HERC2: variants seen among roughly 807,000 people sequenced by gnomAD.
The protein encoded by HERC2 is E3 ubiquitin-protein ligase HERC2.
A neutral mutation model predicts 537.7 loss-of-function variants in HERC2; 102 were observed. The observed-to-expected ratio is 0.19, with a 90% CI of 0.16 to 0.22. HERC2 has a LOEUF of 0.22. HERC2 is among the 10% of genes least tolerant of loss of function. The pLI, the probability that HERC2 is intolerant of heterozygous loss-of-function variation, is 1.00. For synonymous variants in HERC2, 2,224 were observed against 2,466.2 expected, an observed-to-expected ratio of 0.90 and a Z score of 2.91; for missense variants, 4,236 against 6,198.2, an observed-to-expected ratio of 0.68 and a Z score of 10.63.
chr15:28,307,022 T>A (rs1183575633), intron 2 of HERC2, among the ~76,000 whole-genome samples: 5 of 152,162 alleles, frequency 3.3e-5, no homozygotes, highest in Admixed American at 1.3e-4. Context: ...TTTAGTAGAG[T>A]TGGAGTTTCA....
intron 55 of HERC2, among the ~76,000 whole-genome samples, chr15:28,189,243 G>T (rs1312230978): frequency 6.6e-6 from 1 of 152,128 alleles, no homozygotes; most frequent in Non-Finnish European, 1.5e-5. Context: ...GCAATGCTTC[G>T]TATTTCTCAT....
rs369055218 is a variant in HERC2, at chr15:28,265,973, G to T, written c.1600C>A (p.Pro534Thr). The change falls in exon 13 of 93, where the codon CCT (proline) becomes ACT (threonine). Residue 534 changes from proline to threonine, a missense_variant and splice_region_variant. Physicochemically the swap from Pro to Thr is conservative, Grantham distance 38. Around this residue, in one of 27 missense-constraint regions of HERC2, gnomAD observed 754 missense variants for 1,085.0 expected, o/e 0.69. Transcript: ENST00000261609. The surrounding 1 kb of genome is among the most constrained non-coding windows in gnomAD (Gnocchi z 4.0). ...GGRLGHGDTV[P>T]LEEPKVISAF... ...GAGATCACCTTAGGCTCCTCCAAAG[G>T]CCTTGGGGAGAAAGGGAACAAACAT... The T allele has an allele frequency of 6.2e-6, 10 of 1,613,726 alleles. No homozygotes were observed. The highest frequency in any genetic ancestry group is 8.5e-6 in the Non-Finnish European group (10 of 1,179,780).
intron 70 of HERC2, among the ~76,000 whole-genome samples, chr15:28,147,259 C>T (rs539752250): frequency 2.3e-3 from 346 of 152,182 alleles, no homozygotes; most frequent in Admixed American, 7.5e-3. Flanking sequence ...ACAAGATTTT[C>T]GTCTAGGAAA....
chr15:28,142,307 G>A lies in HERC2; in HGVS notation c.11631C>T (p.Tyr3877=). Residue 3877 remains tyrosine (Y), a synonymous_variant, in exon 76 of 93, where the codon TAC becomes TAT. Coordinates refer to ENST00000261609, the MANE Select transcript of HERC2 (RefSeq NM_004667.6). Reference sequence around the variant, plus strand: ...CCACAGCAACACGGGAGGCCATGCAGTACCTCCGGAACCAGGCCCACTTGT... The same window carrying A: ...CCACAGCAACACGGGAGGCCATGCAATACCTCCGGAACCAGGCCCACTTGT... ...ETHKWAWFRR[Y]CMASRVAVAL... The A allele has an allele frequency of 6.2e-7, 1 of 1,614,244 alleles. No homozygotes were observed. Among genetic ancestry groups the A allele is most frequent in the East Asian group, 2.2e-5 (1 of 44,894 alleles).
intron 69 of HERC2, among the ~76,000 whole-genome samples, chr15:28,161,051 C>T (rs1223480217): frequency 6.6e-6 from 1 of 152,154 alleles, no homozygotes; most frequent in Non-Finnish European, 1.5e-5. Context: ...ATACCTACAG[C>T]TTTTTAGTTC....
At chr15:28,318,558 G>T (rs1451407789) in intron 2 of HERC2, among the ~76,000 whole-genome samples, 1 of 152,000 alleles carries the variant, frequency 6.6e-6, no homozygotes, top group African/African-American at 2.4e-5. Context: ...AACCCAGGAG[G>T]CTTGCAGTGA....
At chr15:28,260,181 GAA>G (rs796482245) in intron 16 of HERC2, among the ~76,000 whole-genome samples, 1 of 119,866 alleles carries the variant, frequency 8.3e-6, no homozygotes, top group African/African-American at 3.1e-5. Flanking sequence ...CTCCAAAAAA[GAA>G]AAAAAAAAAA....
Position 28,124,113 on chromosome 15 carries a change from C to A in HERC2, c.13112G>T (p.Gly4371Val). The part of the protein sequence containing the change: ...CPCIPMFDLE[G>V]SLDETGLGPS... The stretch of plus-strand genomic sequence containing the variant: ...CCCGAGTCCAGTTTCGTCGAGCGAG[C>A]CTTCCAGGTCGAACATGGGGATGCA... The change falls in exon 85 of 93, where the codon GGC becomes GTC. Residue 4371 changes from glycine to valine, a missense_variant. Physicochemically the swap from Gly to Val is moderately radical, Grantham distance 109 (BLOSUM62 -3). Coordinates refer to ENST00000261609, the MANE Select transcript of HERC2 (RefSeq NM_004667.6). The A allele has an allele frequency of 4.4e-6, 7 of 1,607,002 alleles. No homozygotes were observed. The highest frequency in any genetic ancestry group is 5.9e-6 in the Non-Finnish European group (7 of 1,176,628).
At chr15:28,301,483 T>C (rs1347916263) in intron 2 of HERC2, among the ~76,000 whole-genome samples, 2 of 151,200 alleles carry the variant, frequency 1.3e-5, no homozygotes, top group Non-Finnish European at 2.9e-5. Flanking sequence ...ATAATTATAA[T>C]AACTGTGAGC....
In HERC2 at chr15:28,308,066, T is replaced by C. The variant is rs533645305; in HGVS notation, c.73-8550A>G. On this transcript the variant is annotated intron_variant, in intron 2 of 92. Coordinates refer to ENST00000261609, the MANE Select transcript of HERC2 (RefSeq NM_004667.6). ...GTGGTTCAACATGAATTTTAGGATT[T>C]TTTTTTTTTCTGTTTCTGTGAAGAA... 4.0e-3 allele frequency among the ~76,000 whole-genome samples: 604 copies of C among 152,216 alleles called. 3 individuals carry two copies. The highest frequency in any genetic ancestry group is 0.017 in the Middle Eastern group (5 of 294).
rs1291859738 is a variant in HERC2, at chr15:28,122,090, G to A, written c.13189-661C>T. On this transcript the variant is annotated intron_variant, in intron 85 of 92. Coordinates refer to ENST00000261609, the MANE Select transcript of HERC2 (RefSeq NM_004667.6). This position sits in a 1 kb window ranked among gnomAD's most constrained non-coding sequence, Gnocchi z 4.1. ...CGTGCAGCCAGCCAGACCTTGGATC[G>A]GGACAGAAAAGACAGACCGGGGAGG... Among the ~76,000 whole-genome samples, 1 of 132,438 alleles carries A rather than the reference G, an allele frequency of 7.6e-6. No individual in the cohort carries two copies. The highest frequency in any genetic ancestry group is 1.6e-5 in the Non-Finnish European group (1 of 62,780). 86.9% of individuals were successfully genotyped at this position (132,438 alleles called of 152,430 possible). A position where few individuals can be genotyped will look rare whatever the true frequency, so the allele number is the denominator to read the frequency against.
intron 2 of HERC2, among the ~76,000 whole-genome samples, chr15:28,300,126 A>G (rs2076581846): frequency 6.6e-6 from 1 of 152,050 alleles, no homozygotes; most frequent in South Asian, 2.1e-4. Flanking sequence ...TGTGCTCTGA[A>G]AAGATAAACC....
Position 28,113,830 on chromosome 15 carries a change from G to C in HERC2, c.13914-152C>G, listed in dbSNP as rs1887924301. ...CCAGATGGCATGAGCATGCTTAGCA[G>C]CTCGGCACTGCAGAGCTTCTCCTGA... On this transcript the variant is annotated intron_variant, in intron 90 of 92. Coordinates refer to ENST00000261609, the MANE Select transcript of HERC2 (RefSeq NM_004667.6). This position sits in a 1 kb window ranked among gnomAD's most constrained non-coding sequence, Gnocchi z 7.0. The C allele has an allele frequency of 1.5e-6, 1 of 657,676 alleles. No homozygotes were observed. The highest frequency in any genetic ancestry group is 2.2e-5 in the Admixed American group (1 of 45,764). The allele number at this position is 657,676 out of a possible 1,614,324, so 40.7% of individuals were successfully genotyped here. A position where few individuals can be genotyped will look rare whatever the true frequency, so the allele number is the denominator to read the frequency against.
chr15:28,277,975 GC>G (rs1247488009), intron 5 of HERC2, among the ~76,000 whole-genome samples: 1 of 151,932 alleles, frequency 6.6e-6, no homozygotes, highest in African/African-American at 2.4e-5. Flanking sequence ...AATCATCTCA[GC>G]CAGGCACAGT....
In HERC2 at chr15:28,144,196, C is replaced by T; in HGVS notation, c.11180G>A (p.Cys3727Tyr). 1 of 1,614,172 alleles carries T rather than the reference C, an allele frequency of 6.2e-7. No homozygotes were observed. The highest frequency in any genetic ancestry group is 1.3e-5 in the African/African-American group (1 of 75,048). ...ELLSDRCVLS[C>Y]PSMDLVTCLL... is the part of the protein sequence containing the mutation. ...ACACGTCACCAAGTCCATGGATGGA[C>T]AGGAGAGGACGCAGCGGTCAGAGAG... Residue 3727 changes from cysteine to tyrosine, a missense_variant, in exon 73 of 93, where the codon TGT becomes TAT. By Grantham distance (194) the Cys-to-Tyr change is radical (BLOSUM62 -2). Coordinates refer to ENST00000261609, the MANE Select transcript of HERC2 (RefSeq NM_004667.6).
chr15:28,124,208 C>T lies in HERC2; in HGVS notation c.13017G>A (p.Gln4339=). ...TCCTCAGCGCAATGATGGGGATCTCCTGCAGGTGATTGTACTCCATGGGGA... is the reference window on the plus strand; with the variant it reads ...TCCTCAGCGCAATGATGGGGATCTCTTGCAGGTGATTGTACTCCATGGGGA... The part of the protein sequence containing the change: ...AQVPMEYNHL[Q]EIPIIALRNR... The change falls in exon 85 of 93, where the codon CAG becomes CAA. Residue 4339 remains glutamine (Q), a synonymous_variant. Transcript: ENST00000261609. 1 of 1,528,194 alleles carries T rather than the reference C, an allele frequency of 6.5e-7. No individual in the cohort carries two copies. Among genetic ancestry groups the T allele is most frequent in the East Asian group, 2.4e-5 (1 of 41,272 alleles). The allele number at this position is 1,528,194 out of a possible 1,614,324, so 94.7% of individuals were successfully genotyped here.
At position 28,149,378 on chromosome 15, in the gene HERC2, C is replaced by T. The variant is rs1459455229; in HGVS notation, c.10901-3034G>A. 4.0e-5 allele frequency among the ~76,000 whole-genome samples: 6 copies of T among 151,346 alleles called. No individual in the cohort carries two copies. In the South Asian group the frequency reaches 6.3e-4, roughly 16 times the overall value. The stretch of plus-strand genomic sequence containing the variant: ...CAAAAAAACACACGCGGCTCCTAAC[C>T]GAGAACGTCACCGAGAACGGCCACA... On this transcript the variant is annotated intron_variant, in intron 70 of 92. Transcript: ENST00000261609.
At chr15:28,196,799 G>A (rs1449797724) in intron 50 of HERC2, among the ~76,000 whole-genome samples, 2 of 152,262 alleles carry the variant, frequency 1.3e-5, no homozygotes, top group East Asian at 1.9e-4. Context: ...GGCCTGAGGC[G>A]ACAATCGTTA....
chr15:28,135,920 T>C (rs570601926), intron 78 of HERC2, among the ~76,000 whole-genome samples: 36 of 152,300 alleles, frequency 2.4e-4, no homozygotes, highest in African/African-American at 8.4e-4. Context: ...GAAAACATAT[T>C]GTGAAAATAA....
Sources: allele counts gnomAD v4.1 joint callset (sites outside exome capture counted in the v4.1 genomes callset), GRCh38; gene constraint gnomAD v4.1.1; regional missense constraint gnomAD v4.1.1; non-coding constraint Gnocchi (gnomAD v3.1); transcripts MANE v1.5; gene names NCBI Gene and HGNC (gene_info 2026-07-23, HGNC 2026-07-21).